Variants in SLC30A8 observed in about 807,000 individuals in gnomAD.
SLC30A8 encodes proton-coupled zinc antiporter SLC30A8.
A neutral mutation model predicts 36.9 loss-of-function variants in SLC30A8; 27 were observed. That is an observed-to-expected ratio of 0.73 (90% CI 0.54 to 1.01). The LOEUF (loss-of-function observed/expected upper bound fraction) is 1.01. Among genes scored for constraint, SLC30A8 ranks in the 50% least tolerant of loss-of-function variants. The pLI is 0.00. For synonymous variants in SLC30A8, 164 were observed against 172.4 expected, an observed-to-expected ratio of 0.95 and a Z score of 0.38; for missense variants, 439 against 452.0, an observed-to-expected ratio of 0.97 and a Z score of 0.26.
chr8:117,134,643 G>T (rs1441222601), upstream of SLC30A8, among the ~76,000 whole-genome samples: 1 of 151,960 alleles, frequency 6.6e-6, no homozygotes, highest in Non-Finnish European at 1.5e-5. Context: ...TTGGAGGGCT[G>T]TTATTTACGT....
intron 1 of SLC30A8, chr8:117,146,727 AAG>A: frequency 1.0e-6 from 1 of 959,858 alleles, no homozygotes; most frequent in Non-Finnish European, 1.4e-6. Flanking sequence ...TTGACTGAAT[AAG>A]AGTTTGACTG....
intron 1 of SLC30A8, among the ~76,000 whole-genome samples, chr8:116,962,474 A>G (rs1814455081): frequency 6.6e-6 from 1 of 151,930 alleles, no homozygotes; most frequent in Non-Finnish European, 1.5e-5. Flanking sequence ...CATAGCTTTT[A>G]TTCTCCTCAA....
At chr8:117,024,242 A>G (rs1476895453) in intron 1 of SLC30A8, among the ~76,000 whole-genome samples, 1 of 152,212 alleles carries the variant, frequency 6.6e-6, no homozygotes, top group African/African-American at 2.4e-5. Flanking sequence ...CTAAATGGTA[A>G]ACGATTTTAG....
Position 116,957,551 on chromosome 8 carries a change from G to A in SLC30A8, c.-266+6432G>A, listed in dbSNP as rs540503636. Among the ~76,000 whole-genome samples, 10 of 152,196 alleles carry A rather than the reference G, an allele frequency of 6.6e-5. No homozygotes were observed. The South Asian group carries it at 1.7e-3, about 25-fold the overall frequency. On this transcript the variant is annotated intron_variant, in intron 1 of 10. Coordinates refer to the SLC30A8 transcript ENST00000427715. ...CTCCCGAAGTGCTGGGATTACAGGC[G>A]TGAGCCACCATGCCCTGCCTAGACA...
chr8:117,016,906 T>G (rs1319878154), intron 1 of SLC30A8, among the ~76,000 whole-genome samples: 1 of 152,108 alleles, frequency 6.6e-6, no homozygotes, highest in Non-Finnish European at 1.5e-5. Context: ...CTAATTCACG[T>G]TATGTTATAT....
chr8:117,161,904 C>T lies in SLC30A8; in HGVS notation c.723+16C>T. The T allele has an allele frequency of 6.2e-7, 1 of 1,607,568 alleles. No homozygotes were observed. The highest frequency in any genetic ancestry group is 8.5e-7 in the Non-Finnish European group (1 of 1,175,486). The stretch of plus-strand genomic sequence containing the variant: ...CTACTTTAAGGTGAGTTTGAGTTTA[C>T]CCACCATCCTAGTACTTATGTAGAT... On this transcript the variant is annotated intron_variant, in intron 5 of 7. Transcript: ENST00000456015.
At chr8:117,133,136 A>C (rs1009123432), upstream of SLC30A8, among the ~76,000 whole-genome samples, 4 of 152,046 alleles carry the variant, frequency 2.6e-5, no homozygotes, top group African/African-American at 9.7e-5. Context: ...GAACCATATA[A>C]AATTGCTGAT....
intron 2 of SLC30A8, among the ~76,000 whole-genome samples, chr8:117,053,079 A>G (rs1817759452): frequency 6.6e-6 from 1 of 151,938 alleles, no homozygotes; most frequent in Non-Finnish European, 1.5e-5. Context: ...ATGCCCGGCT[A>G]AGTTTTTGTA....
intron 6 of SLC30A8, among the ~76,000 whole-genome samples, chr8:117,164,616 TAA>T (rs1460294329): frequency 6.6e-6 from 1 of 152,038 alleles, no homozygotes; most frequent in Non-Finnish European, 1.5e-5. Flanking sequence ...CTCATGGGGA[TAA>T]TACTTTAATA....
At chr8:117,127,905 A>C (rs1482772366) in intron 2 of SLC30A8, among the ~76,000 whole-genome samples, 1 of 152,096 alleles carries the variant, frequency 6.6e-6, no homozygotes, top group Non-Finnish European at 1.5e-5. Context: ...GCTAGCTTGC[A>C]ATGAGTTGTA....
intron 2 of SLC30A8, among the ~76,000 whole-genome samples, chr8:117,070,688 C>T (rs1293153509): frequency 2.0e-5 from 3 of 152,038 alleles, no homozygotes; most frequent in Non-Finnish European, 4.4e-5. Flanking sequence ...AAACCTATTC[C>T]CCTGTCTATC....
At chr8:117,097,025 A>G (rs1819394403) in intron 2 of SLC30A8, among the ~76,000 whole-genome samples, 2 of 152,082 alleles carry the variant, frequency 1.3e-5, no homozygotes, top group African/African-American at 4.8e-5. Flanking sequence ...GAATAGAGTC[A>G]TCCCATTTTT....
In SLC30A8 at chr8:117,147,000, G is replaced by C. The variant is rs756658613; in HGVS notation, c.118G>C (p.Glu40Gln). 6.2e-7 allele frequency: 1 copy of C among 1,614,038 alleles called. No individual in the cohort carries two copies. The highest frequency in any genetic ancestry group is 8.5e-7 in the Non-Finnish European group (1 of 1,179,932). ...GGTGAATAAAGATCAGTGTCCCAGA[G>C]AGAGACCAGAGGAGCTGGAGTCAGG... ...KPVNKDQCPR[E>Q]RPEELESGGM... is the part of the protein sequence containing the mutation. Residue 40 changes from glutamate to glutamine, a missense_variant, in exon 2 of 8, where the codon GAG becomes CAG. Physicochemically the swap from Glu to Gln is conservative, Grantham distance 29. Transcript: ENST00000456015.
intron 2 of SLC30A8, among the ~76,000 whole-genome samples, chr8:117,111,292 G>T (rs916302315): frequency 7.9e-5 from 12 of 152,112 alleles, no homozygotes; most frequent in African/African-American, 2.7e-4. Flanking sequence ...TGTCAAAAGT[G>T]GTGTTCAGGT....
At chr8:116,985,274 A>G (rs373123922) in intron 1 of SLC30A8, among the ~76,000 whole-genome samples, 5 of 148,466 alleles carry the variant, frequency 3.4e-5, no homozygotes, top group African/African-American at 2.5e-5. Flanking sequence ...ATATGCAAGC[A>G]TGTGCATGCT....
chr8:117,070,080 A>G (rs1393618049), intron 2 of SLC30A8, among the ~76,000 whole-genome samples: 1 of 152,240 alleles, frequency 6.6e-6, no homozygotes, highest in African/African-American at 2.4e-5. Flanking sequence ...TTTCTATTGT[A>G]GGATGAAACT....
At position 117,173,004 on chromosome 8, in the gene SLC30A8, G is replaced by A. The variant is rs1823469757; in HGVS notation, c.*323G>A. The A allele has an allele frequency of 3.9e-6, 1 of 255,632 alleles. No individual in the cohort carries two copies. The highest frequency in any genetic ancestry group is 7.5e-6 in the Non-Finnish European group (1 of 134,072). The allele number at this position is 255,632 out of a possible 1,614,324, so 15.8% of individuals were successfully genotyped here. ...TCTCCCTTCCAATAATGCATCTTGA[G>A]AACACATAGGTAAATTTGAACTCAG... On this transcript the variant is annotated 3_prime_UTR_variant, in exon 8 of 8. Transcript: ENST00000456015.
intron 2 of SLC30A8, among the ~76,000 whole-genome samples, chr8:117,122,874 T>C (rs1337722389): frequency 6.6e-6 from 1 of 151,940 alleles, no homozygotes; most frequent in Non-Finnish European, 1.5e-5. Context: ...TCCTCTGTTT[T>C]AGAAATGCTT....
In SLC30A8 at chr8:117,171,018, T is replaced by C; in HGVS notation, c.830-16T>C. ...TAGTTGAATAACTACAGCCTCCATC[T>C]CTTCCCTTTTGTCAGGTGTGCCAAA... is the stretch of plus-strand genomic sequence containing the variant. On this transcript the variant is annotated splice_polypyrimidine_tract_variant and intron_variant, in intron 6 of 7. Transcript: ENST00000456015. 1 of 1,571,304 alleles carries C rather than the reference T, an allele frequency of 6.4e-7. No homozygotes were observed. Among genetic ancestry groups the C allele is most frequent in the Non-Finnish European group, 8.6e-7 (1 of 1,161,310 alleles).
Sources: gnomAD v4.1 joint callset for allele counts (sites outside exome capture counted in the v4.1 genomes callset) on GRCh38, gnomAD v4.1.1 for gene constraint, MANE v1.5 for transcripts, NCBI Gene and HGNC (gene_info 2026-07-23, HGNC 2026-07-21) for gene names.